Variants in EPS15 observed in about 807,000 individuals in gnomAD.
The protein encoded by EPS15 is epidermal growth factor receptor substrate 15.
In EPS15, 72 loss-of-function variants were observed where a neutral mutation model predicts 113.8. The ratio of observed to expected loss-of-function variants is 0.63; its 90% CI spans 0.52 to 0.77. The LOEUF is 0.77. EPS15 is among the 30% of genes least tolerant of loss of function. The pLI is 0.00. For missense variants in EPS15, 1,048 were observed against 1,045.8 expected (o/e 1.00, Z -0.03); for synonymous variants, 344 against 363.4 (o/e 0.95, Z 0.61).
At chr1:51,455,394 A>T (rs1009468137) in intron 8 of EPS15, among the ~76,000 whole-genome samples, 2 of 152,168 alleles carry the variant, frequency 1.3e-5, no homozygotes, top group African/African-American at 4.8e-5. Context: ...GTTTGAGACC[A>T]GCCTGGCCAA....
chr1:51,404,205 G>A (rs1648871943), intron 16 of EPS15, among the ~76,000 whole-genome samples: 1 of 152,104 alleles, frequency 6.6e-6, no homozygotes, highest in Admixed American at 6.6e-5. Context: ...AATTAGCCAG[G>A]TGTGGTGGCA....
chr1:51,375,280 C>T (rs1210622881), intron 21 of EPS15, among the ~76,000 whole-genome samples: 6 of 152,078 alleles, frequency 3.9e-5, no homozygotes, highest in East Asian at 1.9e-4. Flanking sequence ...GGATTACAGG[C>T]GTGAGCCACC....
Position 51,439,353 on chromosome 1 carries a change from A to G in EPS15, c.1040+994T>C, listed in dbSNP as rs924703436. ...CAGAAATCTCAACATAGTCTCACAG[A>G]TAAGGTTAAGATCATTGCCAAATTA... is the stretch of plus-strand genomic sequence containing the variant. On this transcript the variant is annotated intron_variant, in intron 12 of 24. Coordinates refer to ENST00000371733, the MANE Select transcript of EPS15 (RefSeq NM_001981.3). Among the ~76,000 whole-genome samples, 6 of 152,242 alleles carry G rather than the reference A, an allele frequency of 3.9e-5. No individual in the cohort carries two copies. The South Asian group carries it at 6.2e-4, about 16-fold the overall frequency.
chr1:51,357,391 A>AAAAAAAATAT (rs1491245303), intron 24 of EPS15, among the ~76,000 whole-genome samples: 4 of 65,734 alleles, frequency 6.1e-5, no homozygotes, highest in Admixed American at 2.3e-4. Context: ...AAAAAAAAAA[A>AAAAAAAATAT]ATATATATAT....
At position 51,390,175 on chromosome 1, in the gene EPS15, T is replaced by C. The variant is rs557184437; in HGVS notation, c.2119+4206A>G. Among the ~76,000 whole-genome samples the C allele has an allele frequency of 2.0e-5, 3 of 152,138 alleles. No homozygotes were observed. The South Asian group carries it at 6.2e-4, about 32-fold the overall frequency. ...AAATAACGCCGCATATCTACAACTATCTGATCTTTGACAAACCTGAGAAAA... is the reference window on the plus strand; with the variant it reads ...AAATAACGCCGCATATCTACAACTACCTGATCTTTGACAAACCTGAGAAAA... On this transcript the variant is annotated intron_variant, in intron 21 of 24. Coordinates refer to ENST00000371733, the MANE Select transcript of EPS15 (RefSeq NM_001981.3).
intron 1 of EPS15, among the ~76,000 whole-genome samples, chr1:51,508,352 GAAA>G (rs1438860460): frequency 5.5e-5 from 8 of 146,008 alleles, no homozygotes; most frequent in African/African-American, 2.1e-4. Context: ...AAGAAAGAAA[GAAA>G]GAAAGAAAGA....
rs140865404 is a variant in EPS15 at position 51,360,499 on chromosome 1, T to A, written c.2544+672A>T. Among the ~76,000 whole-genome samples, 548 of 152,328 alleles carry A rather than the reference T, an allele frequency of 3.6e-3. 3 individuals are homozygous for A. The highest frequency in any genetic ancestry group is 0.012 in the African/African-American group (505 of 41,570). Reference sequence around the variant, plus strand: ...CTGTTATCATGGCACCCTTCCACTGTTTCTAACGATCTTCCTATTTTAGAC... The same window carrying A: ...CTGTTATCATGGCACCCTTCCACTGATTCTAACGATCTTCCTATTTTAGAC... On this transcript the variant is annotated intron_variant, in intron 24 of 24. Coordinates refer to ENST00000371733, the MANE Select transcript of EPS15 (RefSeq NM_001981.3).
intron 13 of EPS15, among the ~76,000 whole-genome samples, chr1:51,410,580 G>C (rs1649616670): frequency 6.6e-6 from 1 of 152,068 alleles, no homozygotes; most frequent in Admixed American, 6.6e-5. Flanking sequence ...TTAATAACAA[G>C]AACTACAGAA....
intron 12 of EPS15, among the ~76,000 whole-genome samples, chr1:51,424,183 A>G (rs932880300): frequency 1.3e-5 from 2 of 152,226 alleles, no homozygotes; most frequent in African/African-American, 4.8e-5. Context: ...ATGTTCAATT[A>G]TATCACTTTC....
At position 51,451,390 on chromosome 1, in the gene EPS15, C is replaced by G. The variant is rs11205845; in HGVS notation, c.562-3255G>C. ...CCTGTAATCCCAGCTACTTGGGAGG[C>G]TGGGGCAGGAGAATTGATTGACCTT... On this transcript the variant is annotated intron_variant, in intron 8 of 24. Transcript: ENST00000371733. 5.0e-3 allele frequency among the ~76,000 whole-genome samples: 737 copies of G among 148,480 alleles called. 22 individuals are homozygous for G. Among genetic ancestry groups the G allele is most frequent in the African/African-American group, 0.017 (682 of 39,958 alleles).
intron 8 of EPS15, 103 bp downstream of exon 8, chr1:51,460,988 T>C: frequency 2.6e-6 from 2 of 763,140 alleles, no homozygotes; most frequent in Non-Finnish European, 4.5e-6. Context: ...CCCAATAATC[T>C]GATGAGAATA....
At chr1:51,371,330 T>C (rs1646645100) in intron 21 of EPS15, among the ~76,000 whole-genome samples, 1 of 152,184 alleles carries the variant, frequency 6.6e-6, no homozygotes, top group Non-Finnish European at 1.5e-5. Context: ...TCGTAAGAGA[T>C]GACAGCTTCA....
chr1:51,479,033 A>G (rs934978438), intron 2 of EPS15, among the ~76,000 whole-genome samples: 1 of 152,138 alleles, frequency 6.6e-6, no homozygotes, highest in Middle Eastern at 3.2e-3. Context: ...GTTCTCCTGG[A>G]TAATATCCTG....
At chr1:51,436,696 G>A (rs529845981) in intron 12 of EPS15, among the ~76,000 whole-genome samples, 9 of 152,194 alleles carry the variant, frequency 5.9e-5, no homozygotes, top group African/African-American at 1.7e-4. Flanking sequence ...GATTTGAAGA[G>A]TGAGAAGTTG....
chr1:51,518,306 A>G (rs555841716), intron 1 of EPS15: 1 of 152,514 alleles, frequency 6.6e-6, no homozygotes, highest in East Asian at 1.9e-4. Context: ...ACAGGAAGCA[A>G]CGAGGCAAGA....
chr1:51,365,783 T>C (rs1475161614), intron 22 of EPS15, among the ~76,000 whole-genome samples, 170 bp downstream of exon 22: 2 of 151,986 alleles, frequency 1.3e-5, no homozygotes. Flanking sequence ...TAAAGAAATA[T>C]GTCTACTTTA....
chr1:51,379,967 C>T (rs909051294), intron 21 of EPS15, among the ~76,000 whole-genome samples: 1 of 151,198 alleles, frequency 6.6e-6, no homozygotes, highest in Non-Finnish European at 1.5e-5. Context: ...AAGGCTGAGG[C>T]AGGAGAACAA....
Position 51,447,031 on chromosome 1 carries a change from A to T in EPS15, c.726T>A (p.Phe242Leu), listed in dbSNP as rs1371500400. 6.2e-7 allele frequency: 1 copy of T among 1,613,784 alleles called. No homozygotes were observed. The highest frequency in any genetic ancestry group is 8.5e-7 in the Non-Finnish European group (1 of 1,179,726). ...TTTCACGGACCTCCAATCCAGACAC[A>T]AATCCGTCCATATCTTTATCAGTTT... ...FLKTDKDMDG[F>L]VSGLEVREIF... Residue 242 changes from phenylalanine to leucine, a missense_variant, in exon 10 of 25, where the codon TTT becomes TTA. By Grantham distance (22) the Phe-to-Leu change is conservative (BLOSUM62 0). Transcript: ENST00000371733.
intron 8 of EPS15, among the ~76,000 whole-genome samples, chr1:51,449,215 T>TA (rs199936039): frequency 0.032 from 4,873 of 152,084 alleles, 127 homozygotes; most frequent in Non-Finnish European, 0.05. Flanking sequence ...TAGACTGGAT[T>TA]AAAAAAATGT....
Sources: gnomAD v4.1 joint callset for allele counts (sites outside exome capture counted in the v4.1 genomes callset) on GRCh38, gnomAD v4.1.1 for gene constraint, MANE v1.5 for transcripts, NCBI Gene and HGNC (gene_info 2026-07-23, HGNC 2026-07-21) for gene names.